Variants in RC3H1 observed in about 807,000 individuals in gnomAD.
RC3H1 encodes roquin-1.
A neutral mutation model predicts 138.2 loss-of-function variants in RC3H1; 50 were observed. That is an observed-to-expected ratio of 0.36 (90% CI 0.29 to 0.46). The LOEUF is 0.46. Ranked by LOEUF, RC3H1 falls within the 20% of genes least tolerant of loss-of-function variation. The probability of loss-of-function intolerance (pLI) is 1.00; values close to 1 mark genes in which losing one functional copy is unlikely to be tolerated. For synonymous variants in RC3H1, 462 were observed against 489.1 expected (o/e 0.94, Z 0.73); for missense variants, 1,031 against 1,388.1 (o/e 0.74, Z 4.09).
At chr1:174,020,178 G>A (rs1661932652) in intron 1 of RC3H1, among the ~76,000 whole-genome samples, 1 of 150,610 alleles carries the variant, frequency 6.6e-6, no homozygotes, top group Non-Finnish European at 1.5e-5. Context: ...GAAAAACGGT[G>A]TCCTTTCTGA....
Position 174,004,829 on chromosome 1 carries a change from T to C in RC3H1, c.-150-11694A>G, listed in dbSNP as rs959907065. Among the ~76,000 whole-genome samples, 20 of 151,812 alleles carry C rather than the reference T, an allele frequency of 1.3e-4. No homozygotes were observed. The East Asian group carries it at 3.7e-3, about 28-fold the overall frequency. On this transcript the variant is annotated intron_variant, in intron 1 of 19. Coordinates refer to ENST00000367696, the MANE Select transcript of RC3H1 (RefSeq NM_172071.4). ...GCTAATGGGAAGCTGCCAGGGAAGA[T>C]AGGGTCTTACCATTCAGAGTAACAT...
chr1:174,021,981 G>A (rs1380238200), intron 1 of RC3H1, 115 bp downstream of exon 1: 4 of 379,270 alleles, frequency 1.1e-5, no homozygotes, highest in African/African-American at 2.1e-5. Context: ...CTGCCGCGGA[G>A]GAGCAGAGGG....
chr1:174,017,783 C>CCAAAAAAAAAAAAAAAAAAAAA (rs1165317766), intron 1 of RC3H1, among the ~76,000 whole-genome samples: 3 of 72,034 alleles, frequency 4.2e-5, no homozygotes, highest in African/African-American at 1.7e-4. Flanking sequence ...TTTTCTTGCT[C>CCAAAAAAAAAAAAAAAAAAAAA]AAAAAAAAAA....
In RC3H1 at chr1:173,965,540, G is replaced by A. The variant is rs191130159; in HGVS notation, c.1335-420C>T. Among the ~76,000 whole-genome samples the A allele has an allele frequency of 8.6e-5, 13 of 151,348 alleles. No homozygotes were observed. The East Asian group carries it at 1.2e-3, about 14-fold the overall frequency. ...TGGGAGACAGCGGTTGCAGTGAGCCGAGATCACACCACTGAACTCCAGCCT... is the reference window on the plus strand; with the variant it reads ...TGGGAGACAGCGGTTGCAGTGAGCCAAGATCACACCACTGAACTCCAGCCT... On this transcript the variant is annotated intron_variant, in intron 9 of 19. Transcript: ENST00000367696.
At chr1:173,995,693 G>A (rs937578883) in intron 1 of RC3H1, among the ~76,000 whole-genome samples, 5 of 152,138 alleles carry the variant, frequency 3.3e-5, no homozygotes, top group African/African-American at 9.7e-5. Flanking sequence ...ATGTTCTCCT[G>A]TGATATTATT....
chr1:173,958,776 C>T lies in RC3H1; in HGVS notation c.2370+2301G>A, dbSNP rs537675800. On this transcript the variant is annotated intron_variant, in intron 13 of 19. Transcript: ENST00000367696. The stretch of plus-strand genomic sequence containing the variant: ...AAATTATGGTTATTGCCCTGTGATA[C>T]ATTAACCAGTTTTTTTTTTGAGCAA... Among the ~76,000 whole-genome samples, 4 of 151,754 alleles carry T rather than the reference C, an allele frequency of 2.6e-5. No homozygotes were observed. The South Asian group carries it at 8.3e-4, about 32-fold the overall frequency.
chr1:174,019,873 G>C (rs1661926262), intron 1 of RC3H1, among the ~76,000 whole-genome samples: 1 of 151,952 alleles, frequency 6.6e-6, no homozygotes, highest in Non-Finnish European at 1.5e-5. Context: ...ATAAATTGCT[G>C]GGTCAATAAC....
At chr1:173,943,641 A>T in intron 17 of RC3H1, 26 bp from the exon 18 acceptor site, 1 of 1,595,226 alleles carries the variant, frequency 6.3e-7, no homozygotes, top group Non-Finnish European at 8.5e-7. Context: ...AAGCACACAG[A>T]AAACTCAACA....
chr1:173,946,754 G>A lies in RC3H1; in HGVS notation c.2820C>T (p.Phe940=), dbSNP rs1187816932. ...PHQNIPSQGH[F]SERERISMSE... is the part of the protein sequence containing the mutation. ...AAAAGAATGACTCATACCTCTCACT[G>A]AAGTGTCCCTGAGAAGGTATGTTTT... The change falls in exon 16 of 20, where the codon TTC becomes TTT. Residue 940 remains phenylalanine, a synonymous_variant. Transcript: ENST00000367696. 1 of 1,613,374 alleles carries A rather than the reference G, an allele frequency of 6.2e-7. No homozygotes were observed. Among genetic ancestry groups the A allele is most frequent in the South Asian group, 1.1e-5 (1 of 91,058 alleles).
At chr1:174,013,976 T>C (rs188040294) in intron 1 of RC3H1, among the ~76,000 whole-genome samples, 2 of 152,252 alleles carry the variant, frequency 1.3e-5, no homozygotes, top group Admixed American at 6.5e-5. Flanking sequence ...GAAAGGACTA[T>C]ATACTATGAT....
At chr1:173,950,493 G>A (rs1659346159) in intron 14 of RC3H1, among the ~76,000 whole-genome samples, 1 of 151,200 alleles carries the variant, frequency 6.6e-6, no homozygotes, top group Non-Finnish European at 1.5e-5. Flanking sequence ...GGAGGGTGAG[G>A]TGGGAGGATC....
chr1:173,967,912 CTG>C (rs1256879189), intron 9 of RC3H1, among the ~76,000 whole-genome samples: 2 of 152,194 alleles, frequency 1.3e-5, no homozygotes, highest in Non-Finnish European at 2.9e-5. Context: ...CTTAACTACT[CTG>C]TGGTTTCTTG....
intron 2 of RC3H1, among the ~76,000 whole-genome samples, chr1:173,989,972 C>T (rs1210146425): frequency 1.3e-5 from 2 of 151,088 alleles, no homozygotes; most frequent in South Asian, 2.1e-4. Flanking sequence ...GTGATCCACC[C>T]GCCTCGGCCT....
At chr1:173,946,379 C>A in intron 17 of RC3H1, 97 bp downstream of exon 17, 1 of 1,100,584 alleles carries the variant, frequency 9.1e-7, no homozygotes, top group Non-Finnish European at 1.3e-6. Flanking sequence ...AAGAAATAGA[C>A]CTTAAAGTTT....
In RC3H1 at chr1:173,935,033, T is replaced by C. The variant is rs1658522576; in HGVS notation, c.*3688A>G. 1 of 152,134 alleles carries C rather than the reference T, an allele frequency of 6.6e-6. No homozygotes were observed. Among genetic ancestry groups the C allele is most frequent in the Non-Finnish European group, 1.5e-5 (1 of 68,044 alleles). 9.4% of individuals were successfully genotyped at this position (152,134 alleles called of 1,614,324 possible). On this transcript the variant is annotated 3_prime_UTR_variant, in exon 20 of 20. Coordinates refer to ENST00000367696, the MANE Select transcript of RC3H1 (RefSeq NM_172071.4). The stretch of plus-strand genomic sequence containing the variant: ...ACATTAATGCTGTACCAAACAATTT[T>C]TTAAATACATTCTGAGTAGTTGAAT...
At chr1:174,009,892 T>C (rs1285260994) in intron 1 of RC3H1, among the ~76,000 whole-genome samples, 1 of 152,196 alleles carries the variant, frequency 6.6e-6, no homozygotes, top group Non-Finnish European at 1.5e-5. Flanking sequence ...ACACTCTATG[T>C]GCCAGGAAGT....
At chr1:173,999,924 A>C (rs1236385334) in intron 1 of RC3H1, among the ~76,000 whole-genome samples, 1 of 152,226 alleles carries the variant, frequency 6.6e-6, no homozygotes, top group South Asian at 2.1e-4. Context: ...ACTCAAACTC[A>C]GGACAGCCAA....
chr1:173,946,598 A>T lies in RC3H1; in HGVS notation c.2839T>A (p.Ser947Thr). Residue 947 changes from serine to threonine, a missense_variant, in exon 17 of 20, where the codon TCT (serine) becomes ACT (threonine). Around this residue, in one of 7 missense-constraint regions of RC3H1, gnomAD observed 716 missense variants for 837.9 expected, o/e 0.85. Transcript: ENST00000367696. ...QGHFSERERISMSEVASHGKP... is the reference protein window; with the variant it reads ...QGHFSERERITMSEVASHGKP... ...CCATGACTGGCCACTTCTGACATAG[A>T]TATTCTCTCCCTTTGGTTAGAAAGA... is the stretch of plus-strand genomic sequence containing the variant. 6.2e-7 allele frequency: 1 copy of T among 1,614,038 alleles called. No homozygotes were observed. The highest frequency in any genetic ancestry group is 8.5e-7 in the Non-Finnish European group (1 of 1,179,950).
At chr1:173,948,692 G>A (rs1659242761) in intron 14 of RC3H1, among the ~76,000 whole-genome samples, 1 of 151,866 alleles carries the variant, frequency 6.6e-6, no homozygotes, top group Non-Finnish European at 1.5e-5. Flanking sequence ...GGGCTCAAGC[G>A]ATCCTCCTGC....
Sources: gnomAD v4.1 joint callset for allele counts (sites outside exome capture counted in the v4.1 genomes callset) on GRCh38, gnomAD v4.1.1 for gene constraint, gnomAD v4.1.1 regional missense constraint, MANE v1.5 for transcripts, NCBI Gene and HGNC (gene_info 2026-07-23, HGNC 2026-07-21) for gene names.